PRR14L: variants seen among roughly 807,000 people sequenced by gnomAD.
PRR14L encodes the protein proline rich 14 like.
Under a neutral mutation model 155.0 loss-of-function variants are expected in PRR14L, and 80 were observed. That is an observed-to-expected ratio of 0.52 (90% CI 0.43 to 0.62). The LOEUF is 0.62. PRR14L is among the 20% of genes least tolerant of loss of function. PRR14L has a pLI of 0.00. For synonymous variants in PRR14L, 883 were observed against 916.0 expected (o/e 0.96, Z 0.65); for missense variants, 2,469 against 2,548.0 (o/e 0.97, Z 0.67).
At chr22:31,734,967 G>A (rs2074770617) in intron 2 of PRR14L, among the ~76,000 whole-genome samples, 1 of 152,198 alleles carries the variant, frequency 6.6e-6, no homozygotes, top group East Asian at 1.9e-4. Context: ...AAACCTGCAG[G>A]TCTTCCGTTT....
rs60062938 is a variant in PRR14L at position 31,688,499 on chromosome 22, A to T, written c.6108-272T>A. On this transcript the variant is annotated intron_variant, in intron 7 of 8. Transcript: ENST00000327423. ...CTAAGATGGAAGAGACTTATTTCCC[A>T]ATGCTATCCTTTTCGTTTGCTCCAA... 2.6e-3 allele frequency among the ~76,000 whole-genome samples: 399 copies of T among 151,860 alleles called. 1 individual carries two copies. Among genetic ancestry groups the T allele is most frequent in the African/African-American group, 8.9e-3 (370 of 41,432 alleles).
rs974356840 is a variant in PRR14L, at chr22:31,716,484, T to A, written c.1355A>T (p.His452Leu). The A allele has an allele frequency of 2.6e-6, 4 of 1,549,906 alleles. No homozygotes were observed. The East Asian group carries it at 7.3e-5, about 28-fold the overall frequency. ...IHNNCIQDSLHTGNSSSLMPN... is the reference protein window; with the variant it reads ...IHNNCIQDSLLTGNSSSLMPN... The stretch of plus-strand genomic sequence containing the variant: ...CATTAAAGAACTAGAGTTCCCTGTA[T>A]GGAGACTGTCTTGAATGCAGTTATT... The change falls in exon 4 of 9, where the codon CAT becomes CTT. Residue 452 changes from histidine (H) to leucine (L), a missense_variant. Physicochemically the swap from His to Leu is moderately conservative, Grantham distance 99 (BLOSUM62 -3). Coordinates refer to ENST00000327423, the MANE Select transcript of PRR14L (RefSeq NM_173566.3).
chr22:31,738,324 A>G, intron 2 of PRR14L, 63 bp downstream of exon 2: 1 of 1,328,638 alleles, frequency 7.5e-7, no homozygotes, highest in Non-Finnish European at 1.0e-6. Flanking sequence ...CAGCATCTGT[A>G]TTTTATCCAG....
intron 2 of PRR14L, among the ~76,000 whole-genome samples, chr22:31,735,168 G>A (rs1483172795): frequency 4.6e-5 from 7 of 152,208 alleles, no homozygotes; most frequent in Admixed American, 2.6e-4. Context: ...GGCGGGGCGC[G>A]GTGGCTTGCG....
At chr22:31,721,212 A>G (rs1242111247) in intron 3 of PRR14L, among the ~76,000 whole-genome samples, 1 of 152,170 alleles carries the variant, frequency 6.6e-6, no homozygotes, top group Non-Finnish European at 1.5e-5. Context: ...AAACACTCCC[A>G]CCACTGCTCC....
At chr22:31,709,031 C>G (rs1002094663) in intron 4 of PRR14L, among the ~76,000 whole-genome samples, 42 of 151,714 alleles carry the variant, frequency 2.8e-4, no homozygotes, top group African/African-American at 9.2e-4. Context: ...CCACGTTGGT[C>G]AGGCTGGTCT....
chr22:31,734,013 G>A (rs777611032), intron 2 of PRR14L, among the ~76,000 whole-genome samples: 9 of 151,250 alleles, frequency 6.0e-5, no homozygotes, highest in Non-Finnish European at 8.8e-5. Flanking sequence ...TCACTCTGTC[G>A]CCAGGCTGGA....
At chr22:31,706,591 T>G (rs2074593563) in intron 4 of PRR14L, among the ~76,000 whole-genome samples, 2 of 151,916 alleles carry the variant, frequency 1.3e-5, no homozygotes, top group African/African-American at 4.8e-5. Context: ...GCCGGGTTAA[T>G]TTTTGTATTC....
At chr22:31,731,565 CAAAAAAAAAAA>C (rs55727852) in intron 2 of PRR14L, among the ~76,000 whole-genome samples, 9 of 49,262 alleles carry the variant, frequency 1.8e-4, no homozygotes, top group Admixed American at 1.1e-3. Context: ...GAGACTGTCT[CAAAAAAAAAAA>C]AAAAAAAAAA....
In PRR14L at chr22:31,716,045, T is replaced by C. The variant is rs2074657325; in HGVS notation, c.1794A>G (p.Leu598=). The change falls in exon 4 of 9, where the codon CTA becomes CTG. Residue 598 remains leucine, a synonymous_variant. Coordinates refer to ENST00000327423, the MANE Select transcript of PRR14L (RefSeq NM_173566.3). ...LKPKQGTALL[L]PSPEFDYRPE... ...GTCTGTAATCAAATTCTGGGGATGG[T>C]AGCAACAGAGCAGTACCTTGCTTGG... 5 of 1,550,764 alleles carry C rather than the reference T, an allele frequency of 3.2e-6. No individual in the cohort carries two copies. The highest frequency in any genetic ancestry group is 1.2e-5 in the South Asian group (1 of 84,050).
At chr22:31,719,377 A>G (rs1252001704) in intron 3 of PRR14L, among the ~76,000 whole-genome samples, 11 of 152,012 alleles carry the variant, frequency 7.2e-5, no homozygotes, top group African/African-American at 2.2e-4. Context: ...GCACTACTGC[A>G]CTCCAGCCTG....
intron 1 of PRR14L, among the ~76,000 whole-genome samples, chr22:31,746,795 CTTTTT>C (rs770907499): frequency 7.6e-6 from 1 of 131,272 alleles, no homozygotes; most frequent in African/African-American, 2.8e-5. Context: ...TCCCAGCAGT[CTTTTT>C]TTTTTTTTTT....
At chr22:31,737,431 A>C (rs914465185) in intron 2 of PRR14L, among the ~76,000 whole-genome samples, 2 of 151,840 alleles carry the variant, frequency 1.3e-5, no homozygotes, top group African/African-American at 4.8e-5. Context: ...CAGTGAGCCG[A>C]GATCAAACCA....
rs539373018 is a variant in PRR14L, at chr22:31,714,558, C to T, written c.3281G>A (p.Ser1094Asn). The change falls in exon 4 of 9, where the codon AGT becomes AAT. Residue 1094 changes from serine to asparagine, a missense_variant. Around this residue, in one of 2 missense-constraint regions of PRR14L, gnomAD observed 2,363 missense variants for 2,371.6 expected, o/e 1.00. Coordinates refer to ENST00000327423, the MANE Select transcript of PRR14L (RefSeq NM_173566.3). ...ATCCAGTTCTCTCCGAGACAAGGTA[C>T]TCCTGGAGTCCTCTTGAAATGCCAG... ...EKLAFQEDSR[S>N]TLSRRELDAA... The T allele has an allele frequency of 1.3e-6, 2 of 1,551,866 alleles. No homozygotes were observed. Among genetic ancestry groups the T allele is most frequent in the African/African-American group, 2.7e-5 (2 of 73,044 alleles).
intron 1 of PRR14L, among the ~76,000 whole-genome samples, chr22:31,740,907 T>C (rs1168197923): frequency 2.6e-5 from 4 of 152,068 alleles, no homozygotes; most frequent in African/African-American, 7.2e-5. Flanking sequence ...TTTGGGAGGC[T>C]GAGGCAGGTG....
At chr22:31,705,198 C>T (rs2074583673) in intron 4 of PRR14L, among the ~76,000 whole-genome samples, 1 of 152,098 alleles carries the variant, frequency 6.6e-6, no homozygotes, top group Non-Finnish European at 1.5e-5. Flanking sequence ...AAGATCAAGA[C>T]TGAAGTAAGC....
At chr22:31,706,950 G>A (rs377467160) in intron 4 of PRR14L, among the ~76,000 whole-genome samples, 1 of 152,062 alleles carries the variant, frequency 6.6e-6, no homozygotes, top group East Asian at 1.9e-4. Context: ...TCAGGAGGCT[G>A]AGGCAGGAGA....
chr22:31,749,496 T>C (rs1017001270), intron 1 of PRR14L, among the ~76,000 whole-genome samples: 2 of 152,198 alleles, frequency 1.3e-5, no homozygotes, highest in Non-Finnish European at 2.9e-5. Context: ...ATCCCCTCTG[T>C]CACTTTCAGG....
intron 7 of PRR14L, among the ~76,000 whole-genome samples, chr22:31,698,018 T>C (rs2074543775): frequency 6.6e-6 from 1 of 151,978 alleles, no homozygotes; most frequent in South Asian, 2.1e-4. Flanking sequence ...TTAATTCAAG[T>C]AGTCAGTCCC....
Sources: gnomAD v4.1 joint callset for allele counts (sites outside exome capture counted in the v4.1 genomes callset) on GRCh38, gnomAD v4.1.1 for gene constraint, gnomAD v4.1.1 regional missense constraint, MANE v1.5 for transcripts, NCBI Gene and HGNC (gene_info 2026-07-23, HGNC 2026-07-21) for gene names.